Variants in FCRL1 observed in about 807,000 individuals in gnomAD.
The protein encoded by FCRL1 is Fc receptor-like protein 1.
FCRL1 carries 34 observed loss-of-function variants against 49.2 expected under a neutral mutation model. The ratio of observed to expected loss-of-function variants is 0.69; its 90% confidence interval spans 0.53 to 0.92. The LOEUF (loss-of-function observed/expected upper bound fraction) is 0.92. FCRL1 is among the 40% of genes least tolerant of loss of function. The pLI, the probability that FCRL1 is intolerant of heterozygous loss-of-function variation, is 0.00. For missense variants in FCRL1, 524 were observed against 524.1 expected (o/e 1.00, Z 0.00); for synonymous variants, 218 against 201.6 (o/e 1.08, Z -0.69).
At chr1:157,798,393 T>C (rs1219340599) in intron 7 of FCRL1, 150 bp from the exon 8 acceptor site, 1 of 665,576 alleles carries the variant, frequency 1.5e-6, no homozygotes, top group Non-Finnish European at 2.5e-6. Flanking sequence ...AGCAGTGTGG[T>C]ATGAGTCACG....
chr1:157,798,159 A>G lies in FCRL1; in HGVS notation c.1114+2T>C. 6.2e-7 allele frequency: 1 copy of G among 1,610,614 alleles called. No individual in the cohort carries two copies. Among genetic ancestry groups the G allele is most frequent in the East Asian group, 2.2e-5 (1 of 44,858 alleles). The stretch of plus-strand genomic sequence containing the variant: ...TGGCCTGGGCCATTTGGGAAGGCTC[A>G]CCATTTTCATATATAGGCTGTAGCT... On this transcript the variant is annotated splice_donor_variant, in intron 8 of 10. Transcript: ENST00000368176. LOFTEE classifies it high-confidence loss of function.
intron 4 of FCRL1, 81 bp downstream of exon 4, chr1:157,802,296 C>T: frequency 6.3e-7 from 1 of 1,579,776 alleles, no homozygotes; most frequent in Non-Finnish European, 8.6e-7. Context: ...TCAGCATGCC[C>T]CAGGGAAACT....
rs138821479 is a variant in FCRL1 at position 157,801,500 on chromosome 1, C to T, written c.964G>A (p.Val322Met). The T allele has an allele frequency of 6.3e-5, 102 of 1,613,942 alleles. 1 individual carries two copies. The highest frequency in any genetic ancestry group is 1.1e-4 in the African/African-American group (8 of 75,032). ...AGGCCGTAGCAAAATAATAAGGCCA[C>T]GGTGGCTGGACCAAGGGTGCTGAGC... ...GLLSTLGPAT[V>M]ALLFCYGLKR... The change falls in exon 6 of 11, where the codon GTG (valine) becomes ATG (methionine). Residue 322 changes from valine to methionine, a missense_variant. Physicochemically the swap from Val to Met is conservative, Grantham distance 21. Coordinates refer to ENST00000368176, the MANE Select transcript of FCRL1 (RefSeq NM_052938.5).
chr1:157,810,944 ATTTATTT>A (rs1413594836), intron 1 of FCRL1, among the ~76,000 whole-genome samples: 4 of 151,778 alleles, frequency 2.6e-5, no homozygotes, highest in Non-Finnish European at 5.9e-5. Flanking sequence ...CAGGATAATT[ATTTATTT>A]TTTATTTTTT....
intron 1 of FCRL1, among the ~76,000 whole-genome samples, chr1:157,816,964 C>T (rs576029522): frequency 6.6e-6 from 1 of 151,998 alleles, no homozygotes; most frequent in Non-Finnish European, 1.5e-5. Flanking sequence ...GTTGAAATAT[C>T]TCTACAGTGA....
intron 6 of FCRL1, 44 bp downstream of exon 6, chr1:157,801,417 A>T: frequency 2.4e-6 from 3 of 1,244,964 alleles, no homozygotes; most frequent in Non-Finnish European, 3.5e-6. Context: ...TTCAGTGAAA[A>T]CAAAGATCAC....
At chr1:157,817,264 A>G (rs1571424303) in intron 1 of FCRL1, among the ~76,000 whole-genome samples, 1 of 48,224 alleles carries the variant, frequency 2.1e-5, no homozygotes, top group Non-Finnish European at 4.2e-5. Context: ...ACCTGACTTC[A>G]AAAACTCTAA....
At chr1:157,801,881 A>G in intron 5 of FCRL1, 34 bp downstream of exon 5, 1 of 1,579,572 alleles carries the variant, frequency 6.3e-7, no homozygotes, top group East Asian at 2.2e-5. Context: ...GGAAGGAGAC[A>G]TTGACCAAGA....
chr1:157,818,301 A>G (rs187589998), intron 1 of FCRL1, among the ~76,000 whole-genome samples: 1 of 152,246 alleles, frequency 6.6e-6, no homozygotes, highest in East Asian at 1.9e-4. Flanking sequence ...ATATACATAC[A>G]TGATGGAATA....
intron 1 of FCRL1, among the ~76,000 whole-genome samples, chr1:157,814,449 A>T (rs1654762380): frequency 2.0e-5 from 3 of 151,998 alleles, no homozygotes; most frequent in Admixed American, 2.0e-4. Flanking sequence ...ACAAAGAAAA[A>T]ACTGACAGCA....
intron 2 of FCRL1, 105 bp from the exon 3 acceptor site, chr1:157,804,216 T>C (rs1409100424): frequency 7.0e-7 from 1 of 1,437,252 alleles, no homozygotes; most frequent in Non-Finnish European, 9.4e-7. Flanking sequence ...AAACAGCCAG[T>C]TGGACACACA....
intron 1 of FCRL1, among the ~76,000 whole-genome samples, chr1:157,810,060 G>T (rs903810747): frequency 6.6e-6 from 1 of 152,160 alleles, no homozygotes; most frequent in Non-Finnish European, 1.5e-5. Flanking sequence ...ATGCCCCTGA[G>T]AAATTGAGTA....
intron 5 of FCRL1, 85 bp downstream of exon 5, chr1:157,801,830 C>G: frequency 6.7e-7 from 1 of 1,503,602 alleles, no homozygotes; most frequent in Non-Finnish European, 9.0e-7. Context: ...AGCAAACCCC[C>G]GGAAGCACAG....
chr1:157,806,335 G>A (rs1360880278), intron 2 of FCRL1, among the ~76,000 whole-genome samples: 10 of 152,288 alleles, frequency 6.6e-5, no homozygotes, highest in Admixed American at 5.2e-4. Flanking sequence ...ACTTGCAGCC[G>A]ATGTTCTTGA....
At chr1:157,799,600 A>T (rs1402497383) in intron 7 of FCRL1, among the ~76,000 whole-genome samples, 2 of 151,276 alleles carry the variant, frequency 1.3e-5, no homozygotes, top group East Asian at 3.9e-4. Flanking sequence ...GTATCCTGAG[A>T]CTTTGCTGGA....
chr1:157,808,675 C>T (rs115604249), intron 1 of FCRL1, among the ~76,000 whole-genome samples: 1,551 of 152,248 alleles, frequency 0.01, 21 homozygotes, highest in African/African-American at 0.035. Flanking sequence ...CAATATCACT[C>T]AGACACTGTG....
Position 157,804,256 on chromosome 1 carries a change from C to CCA in FCRL1, c.53-146_53-145insTG, listed in dbSNP as rs1553215528. ...ACCCTACATGTCTCCACCCCCCCCC[C>CCA]AGTGGCCCATGGGCTTTCCTTTGCC... On this transcript the variant is annotated intron_variant, in intron 2 of 10. Transcript: ENST00000368176. 2,344 of 901,690 alleles carry CCA rather than the reference C, an allele frequency of 2.6e-3. 1 individual carries two copies. The highest frequency in any genetic ancestry group is 3.1e-3 in the Non-Finnish European group (1,929 of 613,392). The allele number at this position is 901,690 out of a possible 1,614,324, so 55.9% of individuals were successfully genotyped here.
chr1:157,802,699 T>G, intron 3 of FCRL1, 35 bp from the exon 4 acceptor site: 2 of 1,583,558 alleles, frequency 1.3e-6, no homozygotes, highest in Non-Finnish European at 1.7e-6. Context: ...GAAGACCCTG[T>G]GCAGGGAGAG....
rs1243582267 is a variant in FCRL1 at position 157,797,581 on chromosome 1, GT to G, written c.1186+286del. 24 of 642,262 alleles carry G rather than the reference GT, an allele frequency of 3.7e-5. No individual in the cohort carries two copies. In the African/African-American group the frequency reaches 4.2e-4, roughly 11 times the overall value. 39.8% of individuals were successfully genotyped at this position (642,262 alleles called of 1,614,324 possible). The stretch of plus-strand genomic sequence containing the variant: ...TAACTACATGTTTTACCTCCATCGT[GT>G]TGGGAGGTCAGGAAGAGGTAAGCCA... On this transcript the variant is annotated intron_variant, in intron 9 of 10. Transcript: ENST00000368176.
Sources: allele counts gnomAD v4.1 joint callset (sites outside exome capture counted in the v4.1 genomes callset), GRCh38; gene constraint gnomAD v4.1.1; transcripts MANE v1.5; gene names NCBI Gene and HGNC (gene_info 2026-07-23, HGNC 2026-07-21).